The following ARHGEF10 variants were observed in gnomAD, a reference collection of about 807,000 sequenced individuals.
ARHGEF10 encodes the protein Rho guanine nucleotide exchange factor 10.
ARHGEF10 carries 140 observed loss-of-function variants against 147.4 expected under a neutral mutation model. The observed-to-expected ratio is 0.95, with a 90% CI of 0.83 to 1.09. The LOEUF is 1.09. Among genes scored for constraint, ARHGEF10 ranks in the 50% least tolerant of loss-of-function variants. The probability of loss-of-function intolerance (pLI) is 0.00; values close to 1 mark genes in which losing one functional copy is unlikely to be tolerated. For missense variants in ARHGEF10, 2,222 were observed against 1,752.7 expected (o/e 1.27, Z -4.78); for synonymous variants, 902 against 695.8 (o/e 1.30, Z -4.67).
chr8:1,953,109 G>C (rs1815188134), intron 28 of ARHGEF10, among the ~76,000 whole-genome samples: 1 of 152,222 alleles, frequency 6.6e-6, no homozygotes, highest in Non-Finnish European at 1.5e-5. Context: ...TTATATTGTG[G>C]AGAAGGAAGC....
At chr8:1,920,499 TA>T (rs1426581080) in intron 18 of ARHGEF10, among the ~76,000 whole-genome samples, 1 of 78,828 alleles carries the variant, frequency 1.3e-5, no homozygotes, top group Non-Finnish European at 2.7e-5. Context: ...ATTTTTTTTT[TA>T]AACTCTATGT....
chr8:1,843,692 T>C (rs563754461), intron 2 of ARHGEF10, among the ~76,000 whole-genome samples: 147 of 152,332 alleles, frequency 9.6e-4, no homozygotes, highest in African/African-American at 3.4e-3. Context: ...GGTCAGCATC[T>C]GAAATTCCCT....
intron 18 of ARHGEF10, among the ~76,000 whole-genome samples, chr8:1,920,246 G>A (rs184752622): frequency 2.5e-4 from 38 of 152,332 alleles, no homozygotes; most frequent in Middle Eastern, 3.4e-3. Context: ...TTGATTGGAT[G>A]ATAATTGTGA....
chr8:1,899,898 G>A (rs1398176375), intron 15 of ARHGEF10, among the ~76,000 whole-genome samples: 1 of 152,178 alleles, frequency 6.6e-6, no homozygotes, highest in Non-Finnish European at 1.5e-5. Flanking sequence ...TAGTTATTCA[G>A]CCACAGCTGG....
intron 25 of ARHGEF10, among the ~76,000 whole-genome samples, chr8:1,932,845 T>C (rs1813263221): frequency 6.6e-6 from 1 of 152,244 alleles, no homozygotes; most frequent in African/African-American, 2.4e-5. Flanking sequence ...CGTGTTCTCC[T>C]GAGTGAAGTG....
intron 18 of ARHGEF10, among the ~76,000 whole-genome samples, chr8:1,909,889 C>T (rs1239001887): frequency 1.3e-5 from 2 of 152,218 alleles, no homozygotes; most frequent in Non-Finnish European, 2.9e-5. Context: ...CCTGCTCACA[C>T]TGCTGGGCAG....
At chr8:1,936,309 G>T (rs989174887) in intron 26 of ARHGEF10, among the ~76,000 whole-genome samples, 1 of 152,150 alleles carries the variant, frequency 6.6e-6, no homozygotes, top group Non-Finnish European at 1.5e-5. Context: ...GAGCTCAAGA[G>T]TTCAAGACCA....
intron 11 of ARHGEF10, among the ~76,000 whole-genome samples, chr8:1,886,691 C>T (rs1019270655): frequency 1.3e-5 from 2 of 152,160 alleles, no homozygotes; most frequent in African/African-American, 4.8e-5. Flanking sequence ...GTGCAGGCCC[C>T]GTGCCCGGTC....
At chr8:1,863,150 T>C (rs1039979363) in intron 4 of ARHGEF10, among the ~76,000 whole-genome samples, 1 of 152,118 alleles carries the variant, frequency 6.6e-6, no homozygotes, top group African/African-American at 2.4e-5. Context: ...GCAGGCAGAT[T>C]GGATTTCAGA....
At position 1,903,343 on chromosome 8, in the gene ARHGEF10, A is replaced by T; in HGVS notation, c.1713A>T (p.Thr571=). ...GGCTGCCTCTTCAGATGGCCCTGAC[A>T]GAGCTCGAAACACTAGCAGAGAAGT... ...PDRLPLQMAL[T]ELETLAEKLN... is the part of the protein sequence containing the mutation. The change falls in exon 16 of 29, where the codon ACA becomes ACT. Residue 571 remains threonine (T), a synonymous_variant. Coordinates refer to ENST00000349830, the MANE Select transcript of ARHGEF10 (RefSeq NM_014629.4). 1 of 1,614,186 alleles carries T rather than the reference A, an allele frequency of 6.2e-7. No homozygotes were observed. The highest frequency in any genetic ancestry group is 8.5e-7 in the Non-Finnish European group (1 of 1,180,038).
intron 9 of ARHGEF10, 82 bp downstream of exon 9, chr8:1,880,246 G>C: frequency 1.0e-6 from 1 of 956,198 alleles, no homozygotes; most frequent in East Asian, 2.4e-5. Context: ...GGTCCTTGCT[G>C]TCTCAACAGC....
Position 1,850,100 on chromosome 8 carries a change from C to T in ARHGEF10, c.37+6664C>T, listed in dbSNP as rs12547123. On this transcript the variant is annotated intron_variant, in intron 2 of 28. Transcript: ENST00000349830. ...CACAGAGGGCAAATGCTGAGGAGGGCGTGGGCCGGCTGCATGGACACAGAG... is the reference window on the plus strand; with the variant it reads ...CACAGAGGGCAAATGCTGAGGAGGGTGTGGGCCGGCTGCATGGACACAGAG... Among the ~76,000 whole-genome samples, 229 of 84,728 alleles carry T rather than the reference C, an allele frequency of 2.7e-3. 4 individuals are homozygous for T. Among genetic ancestry groups the T allele is most frequent in the East Asian group, 6.5e-3 (19 of 2,932 alleles). The allele number at this position is 84,728 out of a possible 152,430, so 55.6% of individuals were successfully genotyped here.
At chr8:1,896,895 A>C (rs1487797805) in intron 14 of ARHGEF10, among the ~76,000 whole-genome samples, 1 of 152,226 alleles carries the variant, frequency 6.6e-6, no homozygotes, top group Non-Finnish European at 1.5e-5. Flanking sequence ...TGCTGAGGAC[A>C]GCACTGATGG....
At chr8:1,883,009 G>A (rs3824139) in intron 10 of ARHGEF10, among the ~76,000 whole-genome samples, 18,251 of 152,248 alleles carry the variant, frequency 0.12, 1,492 homozygotes, top group South Asian at 0.28. Flanking sequence ...GACATAGGAA[G>A]GGCTGTGCAG....
At chr8:1,938,112 G>A (rs1286558902) in intron 26 of ARHGEF10, among the ~76,000 whole-genome samples, 3 of 152,206 alleles carry the variant, frequency 2.0e-5, no homozygotes, top group Non-Finnish European at 4.4e-5. Flanking sequence ...CTGAGCTGCC[G>A]CACGGTGCCA....
chr8:1,954,835 T>C (rs1286866921), intron 28 of ARHGEF10, among the ~76,000 whole-genome samples: 1 of 152,262 alleles, frequency 6.6e-6, no homozygotes, highest in African/African-American at 2.4e-5. Context: ...TCTGTTGCTT[T>C]TTCTCTCAGC....
At chr8:1,880,776 G>C (rs918860130) in intron 9 of ARHGEF10, among the ~76,000 whole-genome samples, 1 of 152,144 alleles carries the variant, frequency 6.6e-6, no homozygotes, top group Non-Finnish European at 1.5e-5. Context: ...TCCTGCAATT[G>C]GACCTTTTAT....
Position 1,876,605 on chromosome 8 carries a change from T to C in ARHGEF10, c.714T>C (p.Asp238=), listed in dbSNP as rs773258402. The C allele has an allele frequency of 6.2e-7, 1 of 1,614,124 alleles. No homozygotes were observed. Among genetic ancestry groups the C allele is most frequent in the African/African-American group, 1.3e-5 (1 of 74,942 alleles). The change falls in exon 8 of 29, where the codon GAT becomes GAC. Residue 238 remains aspartate, a synonymous_variant. Transcript: ENST00000349830. ...EMIYDDVENG[D]EGGNSSLEYG... ...TTTATGATGATGTTGAGAATGGGGA[T>C]GAAGGTGGAAACAGCTCCTTGGAAT... is the stretch of plus-strand genomic sequence containing the variant.
intron 1 of ARHGEF10, among the ~76,000 whole-genome samples, chr8:1,836,731 T>C (rs187122970): frequency 8.3e-4 from 127 of 152,264 alleles, no homozygotes; most frequent in African/African-American, 2.9e-3. Flanking sequence ...TTTGGCTGTG[T>C]CCCCACCCAA....
Sources: gnomAD v4.1 joint callset for allele counts (sites outside exome capture counted in the v4.1 genomes callset) on GRCh38, gnomAD v4.1.1 for gene constraint, MANE v1.5 for transcripts, NCBI Gene and HGNC (gene_info 2026-07-23, HGNC 2026-07-21) for gene names.